The following TAFA5 variants were observed in gnomAD, a reference collection of about 807,000 sequenced individuals.
TAFA5 encodes chemokine-like protein TAFA-5.
Under a neutral mutation model 15.3 loss-of-function variants are expected in TAFA5, and 6 were observed. The observed-to-expected ratio is 0.39, with a 90% CI of 0.21 to 0.77. The LOEUF (loss-of-function observed/expected upper bound fraction) is 0.77, where lower values mean the gene tolerates loss of function less well. TAFA5 is among the 30% of genes least tolerant of loss of function. The pLI is 0.41. For synonymous variants in TAFA5, 103 were observed against 80.7 expected (o/e 1.28, Z -1.48); for missense variants, 161 against 193.1 (o/e 0.83, Z 0.98).
chr22:48,702,921 G>A (rs944983018), intron 2 of TAFA5, among the ~76,000 whole-genome samples: 43 of 152,234 alleles, frequency 2.8e-4, no homozygotes, highest in Admixed American at 2.2e-3. Context: ...GCTCAGGGCC[G>A]GCCCGCTGGT....
At chr22:48,620,642 C>G (rs1216452657) in intron 1 of TAFA5, among the ~76,000 whole-genome samples, 7 of 146,312 alleles carry the variant, frequency 4.8e-5, no homozygotes, top group Non-Finnish European at 7.6e-5. Context: ...ATCCTATCCA[C>G]CCACCCACCA....
rs1201541793 is a variant in TAFA5 at position 48,560,659 on chromosome 22, G to GA, written c.112+70956dup. ...AGTTTCGCTCTTGTTGCCCAGGCGGGAGTGCAGTGGTGCTATTCGGCTCAC... is the reference window on the plus strand; with the variant it reads ...AGTTTCGCTCTTGTTGCCCAGGCGGGAAGTGCAGTGGTGCTATTCGGCTCAC... On this transcript the variant is annotated intron_variant, in intron 1 of 3. Transcript: ENST00000402357. The surrounding 1 kb of genome is among the most constrained non-coding windows in gnomAD (Gnocchi z 4.2). Among the ~76,000 whole-genome samples, 1 of 151,688 alleles carries GA rather than the reference G, an allele frequency of 6.6e-6. No individual in the cohort carries two copies.
chr22:48,540,822 G>A (rs1260611231), intron 1 of TAFA5, among the ~76,000 whole-genome samples: 1 of 150,920 alleles, frequency 6.6e-6, no homozygotes, highest in African/African-American at 2.4e-5. Context: ...TGTGGCACTC[G>A]GTGTAATGGG....
chr22:48,601,864 A>T (rs1006322239), intron 1 of TAFA5, among the ~76,000 whole-genome samples: 3 of 152,196 alleles, frequency 2.0e-5, no homozygotes, highest in Admixed American at 2.0e-4. Context: ...TCCCTAGAGC[A>T]GTGTGCGGCG....
chr22:48,613,455 A>G (rs1489360448), intron 1 of TAFA5, among the ~76,000 whole-genome samples: 1 of 151,666 alleles, frequency 6.6e-6, no homozygotes, highest in African/African-American at 2.4e-5. Context: ...TCTGGGGTCC[A>G]TCTCCCCCAC....
At chr22:48,740,405 A>G (rs897964916) in intron 3 of TAFA5, among the ~76,000 whole-genome samples, 9 of 152,200 alleles carry the variant, frequency 5.9e-5, no homozygotes, top group Non-Finnish European at 1.2e-4. Flanking sequence ...GTGTTTGCAG[A>G]TAAGACACAG....
intron 2 of TAFA5, among the ~76,000 whole-genome samples, chr22:48,673,066 GCTT>G (rs2147223364): frequency 6.6e-6 from 1 of 152,288 alleles, no homozygotes; most frequent in South Asian, 2.1e-4. Flanking sequence ...CAAATCTCCA[GCTT>G]CTTCTTTTAC....
intron 1 of TAFA5, among the ~76,000 whole-genome samples, chr22:48,599,594 C>G (rs1924889634): frequency 6.6e-6 from 1 of 152,210 alleles, no homozygotes; most frequent in Non-Finnish European, 1.5e-5. Flanking sequence ...GATGTGGCAG[C>G]CCTGGACCCT....
chr22:48,700,000 G>T (rs751251457), intron 2 of TAFA5, among the ~76,000 whole-genome samples: 2 of 152,036 alleles, frequency 1.3e-5, no homozygotes, highest in African/African-American at 4.8e-5. Context: ...GCCTTTGCTG[G>T]ATGTGATGTC....
At chr22:48,582,701 ACAAAATACACCACACACTACACT>A (rs1924114065) in intron 1 of TAFA5, among the ~76,000 whole-genome samples, 1 of 150,890 alleles carries the variant, frequency 6.6e-6, no homozygotes, top group Non-Finnish European at 1.5e-5. Context: ...CACACCACAC[ACAAAATACACCACACACTACACT>A]CAAAATACAC....
intron 3 of TAFA5, among the ~76,000 whole-genome samples, chr22:48,729,908 G>A (rs1208367149): frequency 6.6e-6 from 1 of 151,936 alleles, no homozygotes; most frequent in Non-Finnish European, 1.5e-5. Flanking sequence ...TGTCAGGCAC[G>A]CAATTCCTTC....
At chr22:48,652,361 C>G (rs969296794) in intron 2 of TAFA5, among the ~76,000 whole-genome samples, 4 of 152,188 alleles carry the variant, frequency 2.6e-5, no homozygotes, top group Non-Finnish European at 5.9e-5. Context: ...TGTGGCTGGC[C>G]CTGCCTGCCC....
At chr22:48,641,134 C>T (rs4571173) in intron 1 of TAFA5, among the ~76,000 whole-genome samples, 3,057 of 83,102 alleles carry the variant, frequency 0.037, 61 homozygotes, top group Middle Eastern at 0.11. Flanking sequence ...ACAGCTTCTG[C>T]CTGAAGCTGA....
intron 3 of TAFA5, among the ~76,000 whole-genome samples, chr22:48,738,824 C>T (rs1040677433): frequency 3.3e-5 from 5 of 152,164 alleles, no homozygotes; most frequent in African/African-American, 9.7e-5. Context: ...GTTAATCGGC[C>T]GTCGCAGGCA....
Position 48,615,485 on chromosome 22 carries a change from C to T in TAFA5, c.113-31112C>T, listed in dbSNP as rs774176226. 5.3e-5 allele frequency among the ~76,000 whole-genome samples: 8 copies of T among 152,332 alleles called. No homozygotes were observed. The East Asian group carries it at 7.7e-4, about 15-fold the overall frequency. ...TTCGCCTAGCTGTGGGGGCCATGCT[C>T]GCCTTCCTGGGGGGCTCCCTGTGCC... On this transcript the variant is annotated intron_variant, in intron 1 of 3. Transcript: ENST00000402357.
intron 1 of TAFA5, among the ~76,000 whole-genome samples, chr22:48,568,643 C>G (rs1923483396): frequency 6.6e-6 from 1 of 152,204 alleles, no homozygotes; most frequent in South Asian, 2.1e-4. Flanking sequence ...TTGCTGTAAT[C>G]CTTGCAGTGG....
intron 1 of TAFA5, among the ~76,000 whole-genome samples, chr22:48,602,899 C>T (rs1925027213): frequency 6.6e-6 from 1 of 152,200 alleles, no homozygotes; most frequent in Admixed American, 6.5e-5. Context: ...CTGGAGGAGC[C>T]TCTGCCGATC....
intron 1 of TAFA5, among the ~76,000 whole-genome samples, chr22:48,515,292 G>A (rs999445325): frequency 1.3e-5 from 2 of 152,140 alleles, no homozygotes; most frequent in African/African-American, 4.8e-5. Flanking sequence ...CAGGTGCAGA[G>A]CTGGCAAATG....
intron 1 of TAFA5, among the ~76,000 whole-genome samples, chr22:48,526,483 A>G (rs529824771): frequency 6.6e-5 from 10 of 152,338 alleles, no homozygotes; most frequent in Middle Eastern, 3.4e-3. Context: ...CTGGTCCACA[A>G]GGGAGAGACG....
Sources: gnomAD v4.1 joint callset for allele counts (sites outside exome capture counted in the v4.1 genomes callset) on GRCh38, gnomAD v4.1.1 for gene constraint, Gnocchi (gnomAD v3.1) non-coding constraint, MANE v1.5 for transcripts, NCBI Gene and HGNC (gene_info 2026-07-23, HGNC 2026-07-21) for gene names.